The following CSMD1 variants were observed in gnomAD, a reference collection of about 807,000 sequenced individuals.
The protein encoded by CSMD1 is CUB and Sushi multiple domains 1.
In CSMD1, 213 loss-of-function variants were observed where a neutral mutation model predicts 417.5. The observed-to-expected ratio is 0.51, with a 90% CI of 0.46 to 0.57. CSMD1 has a LOEUF of 0.57. Ranked by LOEUF, CSMD1 falls within the 20% of genes least tolerant of loss-of-function variation. The pLI is 0.00. For missense variants in CSMD1, 6,923 were observed against 4,529.7 expected (o/e 1.53, Z -15.17); for synonymous variants, 2,862 against 1,736.8 (o/e 1.65, Z -16.11).
chr8:3,260,433 C>T (rs940433106), intron 26 of CSMD1, among the ~76,000 whole-genome samples: 1 of 151,990 alleles, frequency 6.6e-6, no homozygotes, highest in African/African-American at 2.4e-5. Context: ...CCAGCCCCAT[C>T]GGGGTGCATC....
intron 3 of CSMD1, among the ~76,000 whole-genome samples, chr8:4,250,589 C>T (rs73498586): frequency 0.094 from 14,339 of 152,038 alleles, 969 homozygotes; most frequent in East Asian, 0.35. Context: ...AACTCATGTA[C>T]GATTATAATT....
At chr8:3,568,730 T>C (rs1799822573) in intron 10 of CSMD1, among the ~76,000 whole-genome samples, 1 of 152,058 alleles carries the variant, frequency 6.6e-6, no homozygotes, top group Non-Finnish European at 1.5e-5. Flanking sequence ...TGCATATATA[T>C]ATACACATAT....
At chr8:2,962,356 C>A in intron 61 of CSMD1, 110 bp downstream of exon 61, 1 of 955,076 alleles carries the variant, frequency 1.0e-6, no homozygotes, top group South Asian at 1.8e-5. Context: ...GTACAGAAAA[C>A]TGTCTATGGA....
chr8:3,846,209 G>C (rs890770463), intron 5 of CSMD1, among the ~76,000 whole-genome samples: 2 of 152,092 alleles, frequency 1.3e-5, no homozygotes, highest in Admixed American at 1.3e-4. Flanking sequence ...CACACTATAC[G>C]TTTGTTGCCA....
intron 1 of CSMD1, among the ~76,000 whole-genome samples, chr8:4,677,197 C>A (rs1299127592): frequency 6.7e-6 from 1 of 149,924 alleles, no homozygotes; most frequent in Non-Finnish European, 1.5e-5. Flanking sequence ...GGTAACTATA[C>A]ATAATAGTTC....
intron 1 of CSMD1, among the ~76,000 whole-genome samples, chr8:4,809,738 TAAGTGAA>T (rs1798788929): frequency 6.6e-6 from 1 of 152,246 alleles, no homozygotes; most frequent in Non-Finnish European, 1.5e-5. Flanking sequence ...CAACATGTAA[TAAGTGAA>T]AATTGAGATA....
At chr8:4,234,277 G>A (rs1432267796) in intron 3 of CSMD1, among the ~76,000 whole-genome samples, 1 of 152,170 alleles carries the variant, frequency 6.6e-6, no homozygotes, top group Non-Finnish European at 1.5e-5. Context: ...CTTACACGAA[G>A]TGATCTATGG....
At chr8:4,187,633 A>G (rs1388333611) in intron 3 of CSMD1, among the ~76,000 whole-genome samples, 6 of 139,180 alleles carry the variant, frequency 4.3e-5, no homozygotes, top group Admixed American at 2.5e-4. Context: ...CCGAGATTGC[A>G]TCACTGCACT....
chr8:4,663,819 G>A (rs2130927304), intron 1 of CSMD1, among the ~76,000 whole-genome samples: 1 of 152,314 alleles, frequency 6.6e-6, no homozygotes, highest in Non-Finnish European at 1.5e-5. Flanking sequence ...GTTCCAGGCA[G>A]AACAAATCCA....
chr8:3,424,034 T>A (rs926214253), intron 12 of CSMD1, among the ~76,000 whole-genome samples: 6 of 152,316 alleles, frequency 3.9e-5, no homozygotes, highest in Middle Eastern at 3.4e-3. Flanking sequence ...CGTACCATTT[T>A]AAAAAAATTT....
intron 6 of CSMD1, among the ~76,000 whole-genome samples, chr8:3,734,408 C>A (rs548370972): frequency 6.6e-6 from 1 of 152,278 alleles, no homozygotes; most frequent in East Asian, 1.9e-4. Flanking sequence ...GAACACTGCT[C>A]AATTTAAAAT....
At chr8:4,128,810 AG>A (rs1802917928) in intron 3 of CSMD1, among the ~76,000 whole-genome samples, 1 of 152,116 alleles carries the variant, frequency 6.6e-6, no homozygotes, top group African/African-American at 2.4e-5. Flanking sequence ...TCCTAGTGCA[AG>A]TAGGGTAAGT....
At chr8:4,248,576 ACCT>A (rs1802852799) in intron 3 of CSMD1, among the ~76,000 whole-genome samples, 1 of 152,104 alleles carries the variant, frequency 6.6e-6, no homozygotes, top group Non-Finnish European at 1.5e-5. Flanking sequence ...TAACTCTCTC[ACCT>A]CCTTCAAATC....
intron 12 of CSMD1, among the ~76,000 whole-genome samples, chr8:3,420,315 G>C (rs1019967262): frequency 2.7e-5 from 4 of 150,640 alleles, no homozygotes; most frequent in East Asian, 2.0e-4. Context: ...AAATACCCAA[G>C]ATCATCAAAC....
At chr8:4,232,208 A>G (rs1801778213) in intron 3 of CSMD1, among the ~76,000 whole-genome samples, 1 of 152,018 alleles carries the variant, frequency 6.6e-6, no homozygotes. Flanking sequence ...GTTTTTATTT[A>G]TTTTTAAGAC....
intron 7 of CSMD1, among the ~76,000 whole-genome samples, chr8:3,629,829 A>G (rs1796689211): frequency 6.6e-6 from 1 of 152,240 alleles, no homozygotes. Context: ...GGTCCGTCAG[A>G]AACACAGGGT....
chr8:4,252,885 C>T (rs1445353936), intron 3 of CSMD1, among the ~76,000 whole-genome samples: 1 of 152,196 alleles, frequency 6.6e-6, no homozygotes, highest in Non-Finnish European at 1.5e-5. Flanking sequence ...AAGAGAATTT[C>T]AGGTGCCTTG....
chr8:4,774,343 A>C (rs1437535761), intron 1 of CSMD1, among the ~76,000 whole-genome samples: 1 of 152,196 alleles, frequency 6.6e-6, no homozygotes. Flanking sequence ...TCAAAACTGA[A>C]GGAAATCCAT....
chr8:4,925,329 G>C (rs1402337797), intron 1 of CSMD1, among the ~76,000 whole-genome samples: 1 of 143,714 alleles, frequency 7.0e-6, no homozygotes, highest in African/African-American at 2.6e-5. Context: ...GTCTTTGACG[G>C]GGTCATGTGT....
Sources: gnomAD v4.1 joint callset for allele counts (sites outside exome capture counted in the v4.1 genomes callset) on GRCh38, gnomAD v4.1.1 for gene constraint, MANE v1.5 for transcripts, NCBI Gene and HGNC (gene_info 2026-07-23, HGNC 2026-07-21) for gene names.